SPINK5: variants seen among roughly 807,000 people sequenced by gnomAD.
SPINK5 encodes serine protease inhibitor Kazal-type 5.
In SPINK5, 125 loss-of-function variants were observed where a neutral mutation model predicts 151.8. The observed-to-expected ratio is 0.82, with a 90% CI of 0.71 to 0.96. The LOEUF is 0.96. SPINK5 is among the 40% of genes least tolerant of loss of function. SPINK5 has a pLI of 0.00. For missense variants in SPINK5, 1,194 were observed against 1,291.9 expected (o/e 0.92, Z 1.16); for synonymous variants, 374 against 395.3 (o/e 0.95, Z 0.64).
At chr5:148,079,967 C>T (rs1752977482) in intron 4 of SPINK5, among the ~76,000 whole-genome samples, 2 of 150,904 alleles carry the variant, frequency 1.3e-5, no homozygotes, top group African/African-American at 4.8e-5. Flanking sequence ...AATGAAGCAA[C>T]TGTCTTTAAT....
chr5:148,087,327 C>T (rs1190437506), intron 5 of SPINK5, among the ~76,000 whole-genome samples: 1 of 151,722 alleles, frequency 6.6e-6, no homozygotes, highest in Non-Finnish European at 1.5e-5. Flanking sequence ...CTTGTGATCT[C>T]AATCTTGAAT....
At chr5:148,066,521 AT>A (rs145710902) in intron 2 of SPINK5, among the ~76,000 whole-genome samples, 5,050 of 152,020 alleles carry the variant, frequency 0.033, 304 homozygotes, top group African/African-American at 0.11. Flanking sequence ...TGTTGCAATG[AT>A]TTTTTTTAAA....
At chr5:148,095,762 T>C (rs1753438072) in intron 9 of SPINK5, 56 bp from the exon 10 acceptor site, 3 of 1,449,344 alleles carry the variant, frequency 2.1e-6, no homozygotes, top group South Asian at 2.3e-5. Flanking sequence ...ACCTAATGAC[T>C]GTTTTGTAAC....
intron 19 of SPINK5, among the ~76,000 whole-genome samples, 188 bp from the exon 20 acceptor site, chr5:148,112,680 A>C (rs980953519): frequency 2.0e-5 from 3 of 149,764 alleles, no homozygotes; most frequent in South Asian, 2.2e-4. Context: ...TCAAAAAAAA[A>C]CCAAAAAACA....
chr5:148,073,819 C>T (rs1424541653), intron 4 of SPINK5, among the ~76,000 whole-genome samples: 1 of 39,530 alleles, frequency 2.5e-5, no homozygotes, highest in Non-Finnish European at 4.4e-5. Flanking sequence ...CTGAGTCACA[C>T]ACACACACAC....
In SPINK5 at chr5:148,108,826, G is replaced by C; in HGVS notation, c.1681G>C (p.Glu561Gln). 1 of 1,612,360 alleles carries C rather than the reference G, an allele frequency of 6.2e-7. No individual in the cohort carries two copies. Among genetic ancestry groups the C allele is most frequent in the East Asian group, 2.2e-5 (1 of 44,766 alleles). ...GKVEAEKVKR[E>Q]AVQELCSEYR... ...AGTCGAGGCTGAAAAAGTTAAGAGAGAAGCAGTTCAGGTAGTTGTTTGAGA... is the reference window on the plus strand; with the variant it reads ...AGTCGAGGCTGAAAAAGTTAAGAGACAAGCAGTTCAGGTAGTTGTTTGAGA... Residue 561 changes from glutamate to glutamine, a missense_variant, in exon 18 of 33, where the codon GAA becomes CAA. Transcript: ENST00000256084.
intron 4 of SPINK5, among the ~76,000 whole-genome samples, chr5:148,073,814 TCACACACACACACACACACACACACACA>T (rs67549762): frequency 6.2e-5 from 7 of 113,814 alleles, no homozygotes; most frequent in East Asian, 2.6e-4. Context: ...TATGCCTGAG[TCACACACACACACACACACACACACACA>T]CACACACACA....
chr5:148,066,100 A>C (rs1031103282), intron 2 of SPINK5, among the ~76,000 whole-genome samples: 2 of 152,168 alleles, frequency 1.3e-5, no homozygotes, highest in Non-Finnish European at 1.5e-5. Flanking sequence ...TAGGAATCTG[A>C]AGGTCATAAG....
intron 20 of SPINK5, among the ~76,000 whole-genome samples, 157 bp downstream of exon 20, chr5:148,113,091 A>G (rs748568916): frequency 6.6e-6 from 1 of 152,176 alleles, no homozygotes; most frequent in Non-Finnish European, 1.5e-5. Flanking sequence ...AACAGATAGC[A>G]GATATTTCTG....
rs1753296210 is a variant in SPINK5, at chr5:148,091,104, C to T, written c.603-61C>T. ...GGATATGAAAGTGTTTAGCACAGGACTGAGGATACTGAAAATATGATTGAG... is the reference window on the plus strand; with the variant it reads ...GGATATGAAAGTGTTTAGCACAGGATTGAGGATACTGAAAATATGATTGAG... On this transcript the variant is annotated intron_variant, in intron 7 of 32. Transcript: ENST00000256084. 6 of 1,388,060 alleles carry T rather than the reference C, an allele frequency of 4.3e-6. No homozygotes were observed. The South Asian group carries it at 5.9e-5, about 14-fold the overall frequency. The allele number at this position is 1,388,060 out of a possible 1,614,324, so 86.0% of individuals were successfully genotyped here.
chr5:148,074,891 T>C (rs1177726075), intron 4 of SPINK5, among the ~76,000 whole-genome samples: 1 of 151,764 alleles, frequency 6.6e-6, no homozygotes, highest in Non-Finnish European at 1.5e-5. Context: ...TTATTACTAT[T>C]TTGAATATAT....
At chr5:148,130,961 A>G (rs2113232621) in intron 30 of SPINK5, among the ~76,000 whole-genome samples, 1 of 152,140 alleles carries the variant, frequency 6.6e-6, no homozygotes, top group Non-Finnish European at 1.5e-5. Flanking sequence ...ATCATTCTAG[A>G]TTTCTTCTTA....
chr5:148,130,703 C>T (rs1754549121), intron 30 of SPINK5, among the ~76,000 whole-genome samples: 1 of 152,088 alleles, frequency 6.6e-6, no homozygotes, highest in Non-Finnish European at 1.5e-5. Context: ...TAAGCATGAA[C>T]TTACATGCAT....
chr5:148,101,931 A>C (rs1753658029), intron 15 of SPINK5, 23 bp downstream of exon 15: 1 of 1,613,012 alleles, frequency 6.2e-7, no homozygotes, highest in Non-Finnish European at 8.5e-7. Context: ...GTAGCCCCAT[A>C]GCGTCTGAGG....
chr5:148,084,444 A>G (rs944339047), intron 4 of SPINK5, among the ~76,000 whole-genome samples: 2 of 151,826 alleles, frequency 1.3e-5, no homozygotes, highest in Non-Finnish European at 2.9e-5. Flanking sequence ...TCCACCACCT[A>G]GGGGTTTGGA....
At chr5:148,089,757 C>G in intron 7 of SPINK5, 136 bp downstream of exon 7, 8 of 1,250,192 alleles carry the variant, frequency 6.4e-6, no homozygotes, top group Non-Finnish European at 9.1e-6. Flanking sequence ...TAGCCTTTCT[C>G]ACAGAAAGGC....
intron 2 of SPINK5, among the ~76,000 whole-genome samples, chr5:148,067,285 C>A (rs1752610119): frequency 6.6e-6 from 1 of 152,126 alleles, no homozygotes; most frequent in Non-Finnish European, 1.5e-5. Flanking sequence ...GTGAGGGAAA[C>A]AGGAAGAACT....
rs71001472 is a variant in SPINK5 at position 148,077,637 on chromosome 5, G to GTATATATATATATATATATATATATA, written c.282+5440_282+5441insATATATATATATATATATATATATAT. ...AACAATTATAATGCTGTTTTATCAG[G>GTATATATATATATATATATATATATA]TATATATATATATATATATATATGA... is the stretch of plus-strand genomic sequence containing the variant. On this transcript the variant is annotated intron_variant, in intron 4 of 32. Coordinates refer to ENST00000256084, the MANE Select transcript of SPINK5 (RefSeq NM_006846.4). Among the ~76,000 whole-genome samples, 80 of 134,994 alleles carry GTATATATATATATATATATATATATA rather than the reference G, an allele frequency of 5.9e-4. 3 individuals are homozygous for GTATATATATATATATATATATATATA. Among genetic ancestry groups the GTATATATATATATATATATATATATA allele is most frequent in the African/African-American group, 2.2e-3 (77 of 34,392 alleles). The allele number at this position is 134,994 out of a possible 152,430, so 88.6% of individuals were successfully genotyped here. A position where few individuals can be genotyped will look rare whatever the true frequency, so the allele number is the denominator to read the frequency against.
chr5:148,125,465 G>C, intron 28 of SPINK5: 3 of 1,480,830 alleles, frequency 2.0e-6, no homozygotes, highest in South Asian at 1.2e-5. Context: ...ATGGATGAAC[G>C]GGAGAAAAAA....
Sources: allele counts gnomAD v4.1 joint callset (sites outside exome capture counted in the v4.1 genomes callset), GRCh38; gene constraint gnomAD v4.1.1; transcripts MANE v1.5; gene names NCBI Gene and HGNC (gene_info 2026-07-23, HGNC 2026-07-21).